The following PCDH9 variants were observed in gnomAD, a reference collection of about 807,000 sequenced individuals.
PCDH9 encodes protocadherin 9.
PCDH9 carries 24 observed loss-of-function variants against 70.6 expected under a neutral mutation model. That is an observed-to-expected ratio of 0.34 (90% CI 0.25 to 0.48). The LOEUF (loss-of-function observed/expected upper bound fraction) is 0.48. Among genes scored for constraint, PCDH9 ranks in the 20% least tolerant of loss-of-function variants. PCDH9 has a pLI of 0.99. For synonymous variants in PCDH9, 562 were observed against 558.5 expected, an observed-to-expected ratio of 1.01 and a Z score of -0.09; for missense variants, 1,281 against 1,503.6, an observed-to-expected ratio of 0.85 and a Z score of 2.45.
chr13:67,161,951 T>G (rs1446547387), intron 2 of PCDH9, among the ~76,000 whole-genome samples: 1 of 152,180 alleles, frequency 6.6e-6, no homozygotes, highest in East Asian at 1.9e-4. Flanking sequence ...CAATAAATAG[T>G]GCTTGGGAAT....
intron 2 of PCDH9, among the ~76,000 whole-genome samples, chr13:67,048,432 A>G (rs76890173): frequency 1.2e-3 from 176 of 152,286 alleles, no homozygotes; most frequent in Non-Finnish European, 2.2e-3. Context: ...TCAAGAGTGA[A>G]GGGGAATAAG....
chr13:67,087,360 A>G (rs2086129537), intron 2 of PCDH9, among the ~76,000 whole-genome samples: 7 of 152,112 alleles, frequency 4.6e-5, no homozygotes, highest in Admixed American at 3.3e-4. Context: ...AAAGGATACA[A>G]GAATAAATCT....
At chr13:66,738,036 G>C (rs1444920825) in intron 3 of PCDH9, among the ~76,000 whole-genome samples, 2 of 152,172 alleles carry the variant, frequency 1.3e-5, no homozygotes, top group Admixed American at 6.5e-5. Context: ...CTCCACCTCT[G>C]GGGGCAGGGC....
chr13:66,627,077 A>G (rs1211307261), intron 4 of PCDH9, among the ~76,000 whole-genome samples: 1 of 151,988 alleles, frequency 6.6e-6, no homozygotes, highest in Non-Finnish European at 1.5e-5. Flanking sequence ...TTGAAAAAAT[A>G]CCTACTGGAA....
At chr13:67,197,466 A>C (rs1329232022) in intron 2 of PCDH9, among the ~76,000 whole-genome samples, 1 of 152,030 alleles carries the variant, frequency 6.6e-6, no homozygotes, top group Non-Finnish European at 1.5e-5. Flanking sequence ...CATATTTATT[A>C]AGAGTTGCAT....
chr13:66,758,522 A>G (rs1392585803), intron 3 of PCDH9, among the ~76,000 whole-genome samples: 1 of 152,060 alleles, frequency 6.6e-6, no homozygotes, highest in East Asian at 1.9e-4. Flanking sequence ...GAACATTCCT[A>G]TTCAATAGAA....
At chr13:66,794,394 G>T (rs1007484548) in intron 3 of PCDH9, among the ~76,000 whole-genome samples, 6 of 152,068 alleles carry the variant, frequency 3.9e-5, no homozygotes, top group Non-Finnish European at 7.4e-5. Flanking sequence ...TAGGTTTGAA[G>T]AATTAGCTCC....
chr13:66,516,963 A>G (rs2138598417), intron 4 of PCDH9, among the ~76,000 whole-genome samples: 1 of 152,254 alleles, frequency 6.6e-6, no homozygotes, highest in African/African-American at 2.4e-5. Flanking sequence ...TCTGCAAATC[A>G]GATCTAATAA....
chr13:66,373,987 T>C (rs1376943889), intron 4 of PCDH9, among the ~76,000 whole-genome samples: 1 of 152,066 alleles, frequency 6.6e-6, no homozygotes, highest in Non-Finnish European at 1.5e-5. Flanking sequence ...GAAAGGCAAA[T>C]ATTATTATCA....
chr13:67,217,641 T>C (rs974504755), intron 2 of PCDH9: 1 of 152,130 alleles, frequency 6.6e-6, no homozygotes, highest in Non-Finnish European at 1.5e-5. Context: ...AGATGAATTC[T>C]AAAAATACAG....
chr13:66,685,047 C>T (rs1331643261), intron 3 of PCDH9, among the ~76,000 whole-genome samples: 1 of 151,618 alleles, frequency 6.6e-6, no homozygotes, highest in Admixed American at 6.6e-5. Flanking sequence ...AAAACATTTT[C>T]TGAGGAGAAA....
chr13:66,786,818 T>C (rs2080087588), intron 3 of PCDH9, among the ~76,000 whole-genome samples: 1 of 152,168 alleles, frequency 6.6e-6, no homozygotes, highest in African/African-American at 2.4e-5. Flanking sequence ...TGGGAAAATT[T>C]AACCTTGATT....
At chr13:66,561,848 C>T (rs765427414) in intron 4 of PCDH9, among the ~76,000 whole-genome samples, 1 of 152,104 alleles carries the variant, frequency 6.6e-6, no homozygotes, top group Non-Finnish European at 1.5e-5. Flanking sequence ...CTGCCCGAGT[C>T]AGCAGTGGCA....
At chr13:66,380,170 G>C (rs1403913379) in intron 4 of PCDH9, among the ~76,000 whole-genome samples, 1 of 152,110 alleles carries the variant, frequency 6.6e-6, no homozygotes, top group African/African-American at 2.4e-5. Context: ...GCAATTTGGT[G>C]GCAGCGATAT....
intron 4 of PCDH9, among the ~76,000 whole-genome samples, chr13:66,319,226 A>T (rs1156714091): frequency 6.6e-6 from 1 of 152,008 alleles, no homozygotes; most frequent in Non-Finnish European, 1.5e-5. Flanking sequence ...TATCATGGCA[A>T]TAGCGTGGGG....
chr13:66,449,089 C>A (rs1958153929), intron 4 of PCDH9, among the ~76,000 whole-genome samples: 1 of 152,096 alleles, frequency 6.6e-6, no homozygotes, highest in Non-Finnish European at 1.5e-5. Flanking sequence ...ATCATCTGCT[C>A]CTCCTAGTGA....
chr13:66,649,428 A>T (rs2077818682), intron 3 of PCDH9, among the ~76,000 whole-genome samples: 1 of 152,094 alleles, frequency 6.6e-6, no homozygotes, highest in Admixed American at 6.5e-5. Context: ...CAAAAGAAAA[A>T]AAAACTTTTA....
intron 2 of PCDH9, chr13:67,202,865 G>A (rs998422108): frequency 2.0e-5 from 3 of 152,038 alleles, no homozygotes; most frequent in Non-Finnish European, 4.4e-5. Context: ...TGTGTGTGCT[G>A]TGTGTATGTG....
intron 3 of PCDH9, among the ~76,000 whole-genome samples, chr13:66,698,300 C>CA (rs1017638359): frequency 1.1e-4 from 16 of 152,152 alleles, no homozygotes; most frequent in Non-Finnish European, 1.9e-4. Flanking sequence ...TGTACCACAA[C>CA]AAAAAAATAC....
Sources: allele counts gnomAD v4.1 joint callset (sites outside exome capture counted in the v4.1 genomes callset), GRCh38; gene constraint gnomAD v4.1.1; transcripts MANE v1.5; gene names NCBI Gene and HGNC (gene_info 2026-07-23, HGNC 2026-07-21).